PARD6G: variants seen among roughly 807,000 people sequenced by gnomAD.
PARD6G encodes the protein par-6 family cell polarity regulator gamma.
A neutral mutation model predicts 10.7 loss-of-function variants in PARD6G; 7 were observed. The ratio of observed to expected loss-of-function variants is 0.66; its 90% CI spans 0.37 to 1.23. PARD6G has a LOEUF of 1.23. PARD6G is among the 50% of genes most tolerant of loss of function. The probability of loss-of-function intolerance (pLI) is 0.02; values close to 1 mark genes in which losing one functional copy is unlikely to be tolerated. For missense variants in PARD6G, 548 were observed against 571.8 expected (o/e 0.96, Z 0.42); for synonymous variants, 287 against 269.4 (o/e 1.07, Z -0.64).
In PARD6G at chr18:80,160,497, G is replaced by T. The variant is rs2052692054; in HGVS notation, c.405C>A (p.Gly135=). The T allele has an allele frequency of 6.5e-7, 1 of 1,545,868 alleles. No individual in the cohort carries two copies. Among genetic ancestry groups the T allele is most frequent in the Non-Finnish European group, 8.7e-7 (1 of 1,145,484 alleles). The part of the protein sequence containing the change: ...GPRRRAHLDI[G]LPRDFRPVSS... ...ATACGGGGCGGAAGTCGCGCGGGAG[G>T]CCGATGTCCAGGTGTGCACGCCGCC... The change falls in exon 3 of 3, where the codon GGC becomes GGA. Residue 135 remains glycine, a synonymous_variant. Transcript: ENST00000353265.
intron 1 of PARD6G, among the ~76,000 whole-genome samples, chr18:80,211,408 TAGTA>T (rs150054388): frequency 1.3e-5 from 2 of 152,262 alleles, no homozygotes; most frequent in Non-Finnish European, 2.9e-5. Flanking sequence ...AAAAGCAAAA[TAGTA>T]AGTGTTGGCA....
Position 80,247,175 on chromosome 18 carries a change from G to C in PARD6G, c.72+102C>G. On this transcript the variant is annotated intron_variant, in intron 1 of 2. Coordinates refer to ENST00000353265, the MANE Select transcript of PARD6G (RefSeq NM_032510.4). This position sits in a 1 kb window ranked among gnomAD's most constrained non-coding sequence, Gnocchi z 4.2. ...CGCCCGAACTGGAAAGTTGTCGCCG[G>C]CGCCTGTCGCCTCCACGCCGCCCCA... 3.4e-6 allele frequency: 3 copies of C among 877,428 alleles called. No homozygotes were observed. Among genetic ancestry groups the C allele is most frequent in the Non-Finnish European group, 4.9e-6 (3 of 614,662 alleles). The allele number at this position is 877,428 out of a possible 1,614,324, so 54.4% of individuals were successfully genotyped here.
intron 1 of PARD6G, among the ~76,000 whole-genome samples, chr18:80,239,207 C>T (rs993070178): frequency 6.6e-6 from 1 of 152,020 alleles, no homozygotes; most frequent in East Asian, 1.9e-4. Flanking sequence ...AACATGGGAG[C>T]AGCAGGGAGA....
chr18:80,186,581 CCCCA>C (rs1029351339), intron 2 of PARD6G, among the ~76,000 whole-genome samples: 3 of 152,142 alleles, frequency 2.0e-5, no homozygotes, highest in African/African-American at 4.8e-5. Flanking sequence ...TTGCACACCC[CCCCA>C]AAGGATGCAC....
chr18:80,211,383 G>A (rs1238444746), intron 1 of PARD6G, among the ~76,000 whole-genome samples: 1 of 152,204 alleles, frequency 6.6e-6, no homozygotes, highest in Non-Finnish European at 1.5e-5. Context: ...TACCCATTAG[G>A]ATGGCTACTA....
intron 2 of PARD6G, among the ~76,000 whole-genome samples, chr18:80,174,110 A>C (rs2052794004): frequency 6.6e-6 from 1 of 152,192 alleles, no homozygotes; most frequent in Admixed American, 6.5e-5. Context: ...GGGCTCCTGT[A>C]AAACCCCAAG....
rs201840605 is a variant in PARD6G at position 80,160,278 on chromosome 18, C to G, written c.624G>C (p.Gly208=). ...MVPGGLAEST[G]LLAVNDEVLE... ...GGACCTCGTCATTCACAGCCAGCAG[C>G]CCGGTGCTCTCCGCCAGGCCCCCGG... Residue 208 remains glycine (G), a synonymous_variant, in exon 3 of 3, where the codon GGG becomes GGC. Coordinates refer to ENST00000353265, the MANE Select transcript of PARD6G (RefSeq NM_032510.4). 11 of 1,612,478 alleles carry G rather than the reference C, an allele frequency of 6.8e-6. No individual in the cohort carries two copies. The highest frequency in any genetic ancestry group is 1.6e-4 in the Middle Eastern group (1 of 6,084).
chr18:80,210,136 A>T (rs1967093667), intron 1 of PARD6G, among the ~76,000 whole-genome samples: 1 of 152,206 alleles, frequency 6.6e-6, no homozygotes, highest in Non-Finnish European at 1.5e-5. Flanking sequence ...AAGATGATGG[A>T]AACCCAAGAC....
intron 1 of PARD6G, among the ~76,000 whole-genome samples, chr18:80,216,366 T>C (rs1240070766): frequency 1.3e-5 from 2 of 152,072 alleles, no homozygotes; most frequent in East Asian, 3.8e-4. Context: ...AGACCATACT[T>C]AGGCCCTAAA....
At chr18:80,193,209 G>A (rs186199911) in intron 2 of PARD6G, among the ~76,000 whole-genome samples, 34 of 152,272 alleles carry the variant, frequency 2.2e-4, no homozygotes, top group African/African-American at 7.9e-4. Flanking sequence ...GTGGCCTGGG[G>A]TGTGGTCAGT....
chr18:80,226,745 C>T (rs1967297370), intron 1 of PARD6G, among the ~76,000 whole-genome samples: 1 of 152,060 alleles, frequency 6.6e-6, no homozygotes, highest in Admixed American at 6.6e-5. Flanking sequence ...GTCACACTGG[C>T]CAGCAAAGAA....
At chr18:80,185,449 T>C (rs1007256421) in intron 2 of PARD6G, among the ~76,000 whole-genome samples, 18 of 152,210 alleles carry the variant, frequency 1.2e-4, no homozygotes, top group African/African-American at 4.1e-4. Flanking sequence ...TAATTTTTAA[T>C]GTATTAAGAA....
chr18:80,226,151 G>GTTTT (rs10606939), intron 1 of PARD6G, among the ~76,000 whole-genome samples: 10 of 76,574 alleles, frequency 1.3e-4, no homozygotes, highest in African/African-American at 3.8e-4. Flanking sequence ...AATGACTTCA[G>GTTTT]TTTTTTTTTT....
chr18:80,165,629 A>G (rs1017334166), intron 2 of PARD6G, among the ~76,000 whole-genome samples: 7 of 152,206 alleles, frequency 4.6e-5, no homozygotes, highest in African/African-American at 1.2e-4. Context: ...AAATCTTCAC[A>G]ATTTATGTTC....
chr18:80,222,148 A>C (rs1483971185), intron 1 of PARD6G, among the ~76,000 whole-genome samples: 1 of 151,864 alleles, frequency 6.6e-6, no homozygotes, highest in Non-Finnish European at 1.5e-5. Flanking sequence ...GCAGTGGTGC[A>C]ATCACAGCTC....
At chr18:80,177,828 C>G (rs556030666) in intron 2 of PARD6G, among the ~76,000 whole-genome samples, 3 of 151,648 alleles carry the variant, frequency 2.0e-5, no homozygotes, top group Admixed American at 2.0e-4. Flanking sequence ...CAAACACACA[C>G]AGGAAAAATC....
rs2052841246 is a variant in PARD6G, at chr18:80,180,262, G to A, written c.296-19656C>T. On this transcript the variant is annotated intron_variant, in intron 2 of 2. Transcript: ENST00000353265. The surrounding 1 kb of genome is among the most constrained non-coding windows in gnomAD (Gnocchi z 5.6). ...GTGGCAGAGGGGACAAGGAGCGCCT[G>A]CTACCTGAGGCCTCTGCTTGGGAAG... 6.6e-6 allele frequency among the ~76,000 whole-genome samples: 1 copy of A among 152,242 alleles called. No individual in the cohort carries two copies. The highest frequency in any genetic ancestry group is 1.5e-5 in the Non-Finnish European group (1 of 68,036).
In PARD6G at chr18:80,201,537, G is replaced by A. The variant is rs528739718; in HGVS notation, c.295+1173C>T. 1.2e-3 allele frequency among the ~76,000 whole-genome samples: 187 copies of A among 152,328 alleles called. 1 individual carries two copies. The highest frequency in any genetic ancestry group is 2.3e-3 in the Non-Finnish European group (155 of 68,028). Reference sequence around the variant, plus strand: ...ACAGCTGTGTTGACTTCTCAGCACCGTCAGCAGGATACCCAGGCCCAGTGA... The same window carrying A: ...ACAGCTGTGTTGACTTCTCAGCACCATCAGCAGGATACCCAGGCCCAGTGA... On this transcript the variant is annotated intron_variant, in intron 2 of 2. Coordinates refer to ENST00000353265, the MANE Select transcript of PARD6G (RefSeq NM_032510.4). The surrounding 1 kb of genome is among the most constrained non-coding windows in gnomAD (Gnocchi z 5.9).
At position 80,192,525 on chromosome 18, in the gene PARD6G, C is replaced by T. The variant is rs532367573; in HGVS notation, c.295+10185G>A. Among the ~76,000 whole-genome samples, 6 of 149,502 alleles carry T rather than the reference C, an allele frequency of 4.0e-5. No homozygotes were observed. Among genetic ancestry groups the T allele is most frequent in the South Asian group, 2.1e-4 (1 of 4,782 alleles). The stretch of plus-strand genomic sequence containing the variant: ...AGGGGACGGGGGAGAGCAGGTGCCA[C>T]GGCGGGAGCCCAGGGGATGGGGGAG... On this transcript the variant is annotated intron_variant, in intron 2 of 2. Coordinates refer to ENST00000353265, the MANE Select transcript of PARD6G (RefSeq NM_032510.4). This position sits in a 1 kb window ranked among gnomAD's most constrained non-coding sequence, Gnocchi z 4.9.
Sources: allele counts gnomAD v4.1 joint callset (sites outside exome capture counted in the v4.1 genomes callset), GRCh38; gene constraint gnomAD v4.1.1; non-coding constraint Gnocchi (gnomAD v3.1); transcripts MANE v1.5; gene names NCBI Gene and HGNC (gene_info 2026-07-23, HGNC 2026-07-21).